ZNF395: variants seen among roughly 807,000 people sequenced by gnomAD.
The protein encoded by ZNF395 is HD gene regulatory region-binding protein 2.
A neutral mutation model predicts 57.7 loss-of-function variants in ZNF395; 20 were observed. The ratio of observed to expected loss-of-function variants is 0.35; its 90% CI spans 0.24 to 0.50. ZNF395 has a LOEUF of 0.50. Ranked by LOEUF, ZNF395 falls within the 20% of genes least tolerant of loss-of-function variation. The pLI, the probability that ZNF395 is intolerant of heterozygous loss-of-function variation, is 0.97. For synonymous variants in ZNF395, 295 were observed against 275.9 expected, an observed-to-expected ratio of 1.07 and a Z score of -0.69; for missense variants, 606 against 671.2, an observed-to-expected ratio of 0.90 and a Z score of 1.07.
chr8:28,351,109 AG>A (rs1801676264), intron 7 of ZNF395, among the ~76,000 whole-genome samples: 1 of 152,190 alleles, frequency 6.6e-6, no homozygotes, highest in African/African-American at 2.4e-5. Flanking sequence ...GCCCGCAGGA[AG>A]TATTCAAAAC....
chr8:28,362,940 G>A (rs933997938), intron 1 of ZNF395, among the ~76,000 whole-genome samples: 3 of 152,090 alleles, frequency 2.0e-5, no homozygotes, highest in Non-Finnish European at 4.4e-5. Flanking sequence ...ATAATATAAG[G>A]AAAAGGTTGG....
intron 1 of ZNF395, among the ~76,000 whole-genome samples, chr8:28,378,950 G>A (rs1802078082): frequency 2.6e-5 from 4 of 152,144 alleles, no homozygotes; most frequent in African/African-American, 9.7e-5. Flanking sequence ...CGGGTCAAAG[G>A]GGACCTCAAA....
intron 1 of ZNF395, chr8:28,368,437 CA>C (rs1787746840): frequency 6.6e-6 from 1 of 152,100 alleles, no homozygotes; most frequent in African/African-American, 2.4e-5. Context: ...AACACAGGTT[CA>C]AAAAGGTCAC....
Position 28,348,674 on chromosome 8 carries a change from T to A in ZNF395, c.*45A>T. 6.4e-7 allele frequency: 1 copy of A among 1,565,106 alleles called. No individual in the cohort carries two copies. Among genetic ancestry groups the A allele is most frequent in the Non-Finnish European group, 8.8e-7 (1 of 1,136,594 alleles). ...TGGTGACACACTGGCCTCTTGTCAGTGGCTGCCGGCAGGGCCAGGAACAGA... is the reference window on the plus strand; with the variant it reads ...TGGTGACACACTGGCCTCTTGTCAGAGGCTGCCGGCAGGGCCAGGAACAGA... On this transcript the variant is annotated 3_prime_UTR_variant, in exon 10 of 10. Transcript: ENST00000344423.
intron 1 of ZNF395, among the ~76,000 whole-genome samples, chr8:28,382,130 T>C (rs1802116702): frequency 6.6e-6 from 1 of 152,036 alleles, no homozygotes; most frequent in Admixed American, 6.5e-5. Flanking sequence ...GAATGGAAAG[T>C]GACTGGACTG....
At chr8:28,358,818 GT>G (rs1409585955) in intron 3 of ZNF395, among the ~76,000 whole-genome samples, 1 of 152,174 alleles carries the variant, frequency 6.6e-6, no homozygotes, top group East Asian at 1.9e-4. Context: ...CATGAATGAG[GT>G]TTTATTGGAG....
chr8:28,366,302 A>G (rs1156333551), intron 1 of ZNF395, among the ~76,000 whole-genome samples: 2 of 152,190 alleles, frequency 1.3e-5, no homozygotes, highest in African/African-American at 4.8e-5. Flanking sequence ...CAACAGTTTA[A>G]GTTTTTAGGT....
At chr8:28,367,067 A>T (rs1801919439) in intron 1 of ZNF395, among the ~76,000 whole-genome samples, 1 of 152,154 alleles carries the variant, frequency 6.6e-6, no homozygotes, top group Admixed American at 6.5e-5. Flanking sequence ...TTGGTGATTG[A>T]TTCAAGTTCT....
Position 28,356,860 on chromosome 8 carries a change from T to C in ZNF395, c.474-81A>G, listed in dbSNP as rs1801786948. On this transcript the variant is annotated intron_variant, in intron 3 of 9. Transcript: ENST00000344423. The surrounding 1 kb of genome is among the most constrained non-coding windows in gnomAD (Gnocchi z 4.0). Reference sequence around the variant, plus strand: ...TCCTTGCAAAACGAGACACCACTTCTGGCTGGTTTCACACAATCATCTTAC... The same window carrying C: ...TCCTTGCAAAACGAGACACCACTTCCGGCTGGTTTCACACAATCATCTTAC... 5.2e-6 allele frequency: 6 copies of C among 1,155,368 alleles called. No individual in the cohort carries two copies. The highest frequency in any genetic ancestry group is 7.5e-6 in the Non-Finnish European group (6 of 804,682). The allele number at this position is 1,155,368 out of a possible 1,614,324, so 71.6% of individuals were successfully genotyped here. A position where few individuals can be genotyped will look rare whatever the true frequency, so the allele number is the denominator to read the frequency against.
At chr8:28,361,253 G>A (rs904408133) in intron 1 of ZNF395, 71 bp from the exon 2 acceptor site, 2 of 1,313,444 alleles carry the variant, frequency 1.5e-6, no homozygotes, top group Non-Finnish European at 2.1e-6. Context: ...ACTAAAATAA[G>A]TGAACCCTTT....
chr8:28,381,106 A>G (rs1802104623), intron 1 of ZNF395, among the ~76,000 whole-genome samples: 2 of 150,634 alleles, frequency 1.3e-5, no homozygotes, highest in African/African-American at 4.9e-5. Context: ...CAGTGGCACA[A>G]TCTCGGCTCA....
At chr8:28,364,742 G>A (rs531300201) in intron 1 of ZNF395, among the ~76,000 whole-genome samples, 58 of 152,056 alleles carry the variant, frequency 3.8e-4, no homozygotes, top group African/African-American at 1.4e-3. Flanking sequence ...TCCAGCCTGG[G>A]AGACAGGCGG....
At position 28,348,713 on chromosome 8, in the gene ZNF395, C is replaced by A; in HGVS notation, c.*6G>T. On this transcript the variant is annotated 3_prime_UTR_variant, in exon 10 of 10. Coordinates refer to ENST00000344423, the MANE Select transcript of ZNF395 (RefSeq NM_018660.3). ...GCCAGGAACAGAGTAGAACCTGCAGCACAGCTCAGTCCAGAAAGCGCTGGC... is the reference window on the plus strand; with the variant it reads ...GCCAGGAACAGAGTAGAACCTGCAGAACAGCTCAGTCCAGAAAGCGCTGGC... 6.2e-7 allele frequency: 1 copy of A among 1,613,578 alleles called. No individual in the cohort carries two copies. The highest frequency in any genetic ancestry group is 8.5e-7 in the Non-Finnish European group (1 of 1,179,650).
At chr8:28,376,821 T>C (rs1170028919) in intron 1 of ZNF395, among the ~76,000 whole-genome samples, 3 of 152,324 alleles carry the variant, frequency 2.0e-5, no homozygotes, top group African/African-American at 7.2e-5. Flanking sequence ...AATAACTAGG[T>C]CCTGCCTATG....
At position 28,352,853 on chromosome 8, in the gene ZNF395, G is replaced by A. The variant is rs766897113; in HGVS notation, c.820-180C>T. On this transcript the variant is annotated intron_variant, in intron 5 of 9. Transcript: ENST00000344423. This position sits in a 1 kb window ranked among gnomAD's most constrained non-coding sequence, Gnocchi z 4.0. ...CAGGGGCTAGAAAGCCCCAATCTAA[G>A]AGATGGTCCTAGTGGCCAACAGCAG... 6.6e-6 allele frequency among the ~76,000 whole-genome samples: 1 copy of A among 152,186 alleles called. No homozygotes were observed. Among genetic ancestry groups the A allele is most frequent in the Non-Finnish European group, 1.5e-5 (1 of 68,028 alleles).
At position 28,351,695 on chromosome 8, in the gene ZNF395, C is replaced by T. The variant is rs1801686229; in HGVS notation, c.1033G>A (p.Val345Ile). 1 of 1,611,490 alleles carries T rather than the reference C, an allele frequency of 6.2e-7. No homozygotes were observed. Among genetic ancestry groups the T allele is most frequent in the Non-Finnish European group, 8.5e-7 (1 of 1,179,918 alleles). Residue 345 changes from valine (V) to isoleucine (I), a missense_variant, in exon 7 of 10, where the codon GTC (valine) becomes ATC (isoleucine). Physicochemically the swap from Val to Ile is conservative, Grantham distance 29. Transcript: ENST00000344423. ...GGCTCGGAGGTGGGAGTCCCAGGGACTGGGGTGCCTGCGGCAGCAGCAGCA... is the reference window on the plus strand; with the variant it reads ...GGCTCGGAGGTGGGAGTCCCAGGGATTGGGGTGCCTGCGGCAGCAGCAGCA... ...AAAAAAAGTP[V>I]PGTPTSEPAP...
At chr8:28,377,205 T>A (rs891045027) in intron 1 of ZNF395, among the ~76,000 whole-genome samples, 33 of 152,128 alleles carry the variant, frequency 2.2e-4, no homozygotes, top group East Asian at 1.9e-3. Context: ...CTAAAAAAAA[T>A]TTCATATGTA....
Position 28,351,477 on chromosome 8 carries a change from GCGAGC to G in ZNF395, c.1233+13_1233+17del, listed in dbSNP as rs1325764465. The G allele has an allele frequency of 6.4e-7, 1 of 1,567,306 alleles. No individual in the cohort carries two copies. Among genetic ancestry groups the G allele is most frequent in the Admixed American group, 1.8e-5 (1 of 54,738 alleles). ...AGTCAGCTATGAGCCTGAGCCTCCA[GCGAGC>G]CCCGCCCCATACCTGGTATGCATGA... On this transcript the variant is annotated intron_variant, in intron 7 of 9. Coordinates refer to ENST00000344423, the MANE Select transcript of ZNF395 (RefSeq NM_018660.3).
chr8:28,366,271 C>A (rs915906477), intron 1 of ZNF395, among the ~76,000 whole-genome samples: 10 of 152,268 alleles, frequency 6.6e-5, no homozygotes, highest in South Asian at 2.1e-4. Flanking sequence ...TTATTATCTC[C>A]ACCGGGTATC....
Sources: allele counts gnomAD v4.1 joint callset (sites outside exome capture counted in the v4.1 genomes callset), GRCh38; gene constraint gnomAD v4.1.1; non-coding constraint Gnocchi (gnomAD v3.1); transcripts MANE v1.5; gene names NCBI Gene and HGNC (gene_info 2026-07-23, HGNC 2026-07-21).